Variants in SNAP91 observed in about 807,000 individuals in gnomAD.
SNAP91 encodes synaptosome associated protein 91.
In SNAP91, 27 loss-of-function variants were observed where a neutral mutation model predicts 100.3. The ratio of observed to expected loss-of-function variants is 0.27; its 90% CI spans 0.20 to 0.37. The LOEUF (loss-of-function observed/expected upper bound fraction) is 0.37, where lower values mean the gene tolerates loss of function less well. Among genes scored for constraint, SNAP91 ranks in the 10% least tolerant of loss-of-function variants. SNAP91 has a pLI of 1.00. For synonymous variants in SNAP91, 404 were observed against 398.6 expected, an observed-to-expected ratio of 1.01 and a Z score of -0.16; for missense variants, 986 against 1,123.7, an observed-to-expected ratio of 0.88 and a Z score of 1.75.
intron 22 of SNAP91, among the ~76,000 whole-genome samples, chr6:83,588,079 T>A (rs1025536864): frequency 5.9e-5 from 9 of 152,134 alleles, no homozygotes; most frequent in African/African-American, 2.2e-4. Context: ...CCTGCCCATC[T>A]GGGCCTCCCA....
intron 8 of SNAP91, among the ~76,000 whole-genome samples, chr6:83,636,536 A>G (rs2128509076): frequency 6.6e-6 from 1 of 152,230 alleles, no homozygotes; most frequent in South Asian, 2.1e-4. Flanking sequence ...TTCTTTTTAA[A>G]TATAGCTATC....
chr6:83,566,646 A>G (rs977238156), intron 26 of SNAP91, among the ~76,000 whole-genome samples: 8 of 152,198 alleles, frequency 5.3e-5, no homozygotes, highest in African/African-American at 1.7e-4. Context: ...TTCAGTGGTG[A>G]TAAGTTTTTA....
At chr6:83,611,743 C>A (rs1294589747) in intron 11 of SNAP91, among the ~76,000 whole-genome samples, 3 of 151,520 alleles carry the variant, frequency 2.0e-5, no homozygotes, top group Non-Finnish European at 2.9e-5. Flanking sequence ...GTCACCCAGG[C>A]TGGAGTGCAG....
chr6:83,694,974 A>G (rs566017798), intron 2 of SNAP91, among the ~76,000 whole-genome samples: 22 of 152,260 alleles, frequency 1.4e-4, no homozygotes, highest in African/African-American at 5.1e-4. Flanking sequence ...ATACTTTAAA[A>G]AAACGAAAAC....
At chr6:83,665,605 C>A in intron 2 of SNAP91, 24 bp from the exon 3 acceptor site, 1 of 1,596,468 alleles carries the variant, frequency 6.3e-7, no homozygotes, top group South Asian at 1.1e-5. Context: ...AGATATTAAT[C>A]AATGATATTA....
At chr6:83,655,805 A>C (rs1174466676) in intron 7 of SNAP91, among the ~76,000 whole-genome samples, 6 of 152,216 alleles carry the variant, frequency 3.9e-5, no homozygotes, top group African/African-American at 1.4e-4. Flanking sequence ...TCATATTCCC[A>C]GTGCATCTAC....
intron 9 of SNAP91, among the ~76,000 whole-genome samples, chr6:83,620,109 C>T (rs1210161363): frequency 6.6e-6 from 1 of 152,076 alleles, no homozygotes. Flanking sequence ...CAGATGATTG[C>T]ATTCATGTTT....
chr6:83,620,122 T>C (rs979388932), intron 9 of SNAP91, among the ~76,000 whole-genome samples: 4 of 152,240 alleles, frequency 2.6e-5, no homozygotes, highest in Admixed American at 6.5e-5. Flanking sequence ...TCATGTTTAA[T>C]GTACAGTCTC....
At chr6:83,598,151 C>A (rs906918085) in intron 16 of SNAP91, among the ~76,000 whole-genome samples, 13 of 152,132 alleles carry the variant, frequency 8.5e-5, no homozygotes, top group Non-Finnish European at 1.3e-4. Context: ...GTAAAATTTG[C>A]ATCAGTATAA....
At chr6:83,577,872 T>C (rs1269627063) in intron 24 of SNAP91, among the ~76,000 whole-genome samples, 2 of 152,142 alleles carry the variant, frequency 1.3e-5, no homozygotes, top group East Asian at 1.9e-4. Flanking sequence ...GTCACTCCTC[T>C]TCCTCTCCAC....
intron 1 of SNAP91, 95 bp from the exon 2 acceptor site, chr6:83,708,052 C>A: frequency 8.8e-7 from 1 of 1,133,648 alleles, no homozygotes; most frequent in South Asian, 1.9e-5. Context: ...CGGCGGCTCT[C>A]TCCTCCTCCA....
chr6:83,662,444 T>C (rs915254608), intron 3 of SNAP91, 22 bp from the exon 4 acceptor site: 2 of 956,710 alleles, frequency 2.1e-6, no homozygotes, highest in South Asian at 2.3e-5. Flanking sequence ...AAATTAGAAT[T>C]AAACACACAT....
chr6:83,619,842 A>G (rs909276122), intron 9 of SNAP91, among the ~76,000 whole-genome samples: 1 of 152,224 alleles, frequency 6.6e-6, no homozygotes. Context: ...GAAAGCATCC[A>G]TCTACGATTT....
intron 16 of SNAP91, among the ~76,000 whole-genome samples, chr6:83,598,887 T>C (rs916198812): frequency 1.3e-5 from 2 of 152,006 alleles, no homozygotes; most frequent in African/African-American, 4.8e-5. Context: ...AGGATGGAAA[T>C]TGTATAGCTA....
intron 8 of SNAP91, among the ~76,000 whole-genome samples, chr6:83,633,860 C>T (rs1163181747): frequency 6.6e-6 from 1 of 151,784 alleles, no homozygotes; most frequent in African/African-American, 2.4e-5. Context: ...GGTGTCTGCA[C>T]ACAGATTCAC....
intron 2 of SNAP91, among the ~76,000 whole-genome samples, chr6:83,702,015 A>G (rs2099318963): frequency 6.6e-6 from 1 of 152,214 alleles, no homozygotes; most frequent in Non-Finnish European, 1.5e-5. Context: ...CTTGGTGAGA[A>G]AGAAAAAAAT....
chr6:83,612,646 C>T (rs1036558726), intron 11 of SNAP91, among the ~76,000 whole-genome samples: 1 of 152,060 alleles, frequency 6.6e-6, no homozygotes, highest in Admixed American at 6.6e-5. Context: ...GAGGTAAAGG[C>T]AGGCAGATCA....
chr6:83,607,786 G>A lies in SNAP91; in HGVS notation c.935C>T (p.Thr312Met), dbSNP rs374389239. 51 of 1,588,984 alleles carry A rather than the reference G, an allele frequency of 3.2e-5. No homozygotes were observed. Among genetic ancestry groups the A allele is most frequent in the Non-Finnish European group, 3.8e-5 (44 of 1,167,280 alleles). The change falls in exon 13 of 30, where the codon ACG becomes ATG. Residue 312 changes from threonine to methionine, a missense_variant. By Grantham distance (81) the Thr-to-Met change is moderately conservative. Around this residue, in one of 4 missense-constraint regions of SNAP91, gnomAD observed 330 missense variants for 447.5 expected, o/e 0.74. Coordinates refer to ENST00000369694, the MANE Select transcript of SNAP91 (RefSeq NM_001242792.2). Reference sequence around the variant, plus strand: ...TTTAGCTGGTGTAGAATTAGGAGACGTAACAGTTGTGGCTGGAGAAGACTG... The same window carrying A: ...TTTAGCTGGTGTAGAATTAGGAGACATAACAGTTGTGGCTGGAGAAGACTG... ...LSKSSPATTV[T>M]SPNSTPAKTI...
intron 2 of SNAP91, among the ~76,000 whole-genome samples, chr6:83,703,391 A>AT (rs1280755553): frequency 2.0e-5 from 3 of 152,288 alleles, no homozygotes; most frequent in African/African-American, 7.2e-5. Flanking sequence ...TGTCTACTGA[A>AT]TTAGTGTGCT....
Sources: gnomAD v4.1 joint callset for allele counts (sites outside exome capture counted in the v4.1 genomes callset) on GRCh38, gnomAD v4.1.1 for gene constraint, gnomAD v4.1.1 regional missense constraint, MANE v1.5 for transcripts, NCBI Gene and HGNC (gene_info 2026-07-23, HGNC 2026-07-21) for gene names.